HYDIN: variants seen among roughly 807,000 people sequenced by gnomAD.
HYDIN encodes HYDIN axonemal central pair apparatus protein, also known as axonemal central pair apparatus protein HYDIN.
A neutral mutation model predicts 403.9 loss-of-function variants in HYDIN; 132 were observed. That is an observed-to-expected ratio of 0.33 (90% CI 0.28 to 0.38). The LOEUF (loss-of-function observed/expected upper bound fraction) is 0.38, where lower values mean the gene tolerates loss of function less well. HYDIN is among the 10% of genes least tolerant of loss of function. The pLI, the probability that HYDIN is intolerant of heterozygous loss-of-function variation, is 1.00. For synonymous variants in HYDIN, 1,202 were observed against 1,891.7 expected (o/e 0.64, Z 9.46); for missense variants, 2,827 against 5,009.5 (o/e 0.56, Z 13.15).
At chr16:70,939,563 C>A (rs1285867236) in intron 43 of HYDIN, among the ~76,000 whole-genome samples, 3 of 152,210 alleles carry the variant, frequency 2.0e-5, no homozygotes, top group Non-Finnish European at 2.9e-5. Context: ...GGGGAAGGCA[C>A]TTTACATGAT....
intron 39 of HYDIN, among the ~76,000 whole-genome samples, chr16:70,956,857 G>A (rs1036541924): frequency 6.6e-5 from 10 of 151,520 alleles, no homozygotes; most frequent in East Asian, 3.9e-4. Flanking sequence ...TAGTAGCAAC[G>A]GGGCACTAAT....
At chr16:70,960,028 C>A (rs1451115010) in intron 38 of HYDIN, among the ~76,000 whole-genome samples, 1 of 152,186 alleles carries the variant, frequency 6.6e-6, no homozygotes, top group Non-Finnish European at 1.5e-5. Context: ...AATAAAAAAA[C>A]AGATTTTTTG....
At position 70,985,166 on chromosome 16, in the gene HYDIN, C is replaced by T. The variant is rs1348244787; in HGVS notation, c.4332+19G>A. 1.2e-6 allele frequency: 2 copies of T among 1,611,240 alleles called. No individual in the cohort carries two copies. The highest frequency in any genetic ancestry group is 1.7e-6 in the Non-Finnish European group (2 of 1,178,330). On this transcript the variant is annotated intron_variant, in intron 28 of 85. Transcript: ENST00000393567. ...GGGCTCGTAGGTTTGAATTCGGGCCCCTCCCACCATTTACTTACAGACACA... is the reference window on the plus strand; with the variant it reads ...GGGCTCGTAGGTTTGAATTCGGGCCTCTCCCACCATTTACTTACAGACACA...
intron 23 of HYDIN, among the ~76,000 whole-genome samples, chr16:71,002,757 A>C (rs59369647): frequency 6.7e-6 from 1 of 149,660 alleles, no homozygotes; most frequent in Non-Finnish European, 1.5e-5. Context: ...GGCTCACTGC[A>C]ACCTTTGCCT....
rs761595507 is a variant in HYDIN at position 70,818,338 on chromosome 16, G to GT, written c.14658+3dup. ...GGGAGCCCCCGACAGCCAAGGGGCC[G>GT]TACCTCGGAGTTGGCAGGCACCACA... On this transcript the variant is annotated splice_donor_region_variant and intron_variant, in intron 84 of 85. Transcript: ENST00000393567. 1.2e-6 allele frequency: 2 copies of GT among 1,609,534 alleles called. No individual in the cohort carries two copies. The highest frequency in any genetic ancestry group is 1.7e-6 in the Non-Finnish European group (2 of 1,177,370).
chr16:71,100,267 T>C (rs2083416757), intron 10 of HYDIN, among the ~76,000 whole-genome samples: 1 of 152,216 alleles, frequency 6.6e-6, no homozygotes, highest in Non-Finnish European at 1.5e-5. Context: ...AGAACTAGAC[T>C]ATATTCTTGA....
At chr16:71,039,392 G>A (rs1480557841) in intron 18 of HYDIN, among the ~76,000 whole-genome samples, 1 of 152,154 alleles carries the variant, frequency 6.6e-6, no homozygotes. Flanking sequence ...AGGGACGGGG[G>A]GCAGAGGAAT....
chr16:71,137,220 C>G lies in HYDIN; in HGVS notation c.974G>C (p.Ser325Thr). The part of the protein sequence containing the change: ...NQRTITIHNR[S>T]NIIAHFLWKV... ...CCACAGGAAATGGGCAATGATATTA[C>G]TGCGATTGTGAATGGTTATAGTTCG... Residue 325 changes from serine (S) to threonine (T), a missense_variant, in exon 8 of 86, where the codon AGT (serine) becomes ACT (threonine). By Grantham distance (58) the Ser-to-Thr change is moderately conservative. Coordinates refer to ENST00000393567, the MANE Select transcript of HYDIN (RefSeq NM_001270974.2). 1.3e-6 allele frequency: 1 copy of G among 757,580 alleles called. No homozygotes were observed. The highest frequency in any genetic ancestry group is 2.2e-6 in the Non-Finnish European group (1 of 453,466). 46.9% of individuals were successfully genotyped at this position (757,580 alleles called of 1,614,324 possible).
At chr16:70,944,581 G>C (rs1163882360) in intron 41 of HYDIN, among the ~76,000 whole-genome samples, 3 of 152,156 alleles carry the variant, frequency 2.0e-5, no homozygotes, top group African/African-American at 7.2e-5. Flanking sequence ...AGTGGGGCTG[G>C]AACTGAGTGA....
In HYDIN at chr16:70,807,662, T is replaced by G; in HGVS notation, c.15284A>C (p.Lys5095Thr). 2 of 1,614,140 alleles carry G rather than the reference T, an allele frequency of 1.2e-6. No homozygotes were observed. Among genetic ancestry groups the G allele is most frequent in the Non-Finnish European group, 1.7e-6 (2 of 1,180,010 alleles). ...ACCAGGAGGGCAGCTCACAGTCAGC[T>G]TGGTGGTGATGGGGGTTTTGCTGCC... is the stretch of plus-strand genomic sequence containing the variant. ...PSGSKTPITT[K>T]LTVSCPPGEG... Residue 5095 changes from lysine (K) to threonine (T), a missense_variant, in exon 86 of 86, where the codon AAG becomes ACG. Lys to Thr is a moderately conservative substitution (Grantham distance 78, BLOSUM62 -1). Transcript: ENST00000393567.
chr16:71,108,060 T>C (rs113114058), intron 10 of HYDIN, among the ~76,000 whole-genome samples: 75 of 152,044 alleles, frequency 4.9e-4, no homozygotes, highest in Admixed American at 1.7e-3. Flanking sequence ...AGCAAACTAA[T>C]GCAGAAACAG....
At chr16:71,101,745 A>G (rs2083461608) in intron 10 of HYDIN, among the ~76,000 whole-genome samples, 1 of 152,182 alleles carries the variant, frequency 6.6e-6, no homozygotes, top group African/African-American at 2.4e-5. Context: ...TCCTGCAGGT[A>G]GGAAAGTAGA....
intron 8 of HYDIN, among the ~76,000 whole-genome samples, chr16:71,134,351 T>C (rs1223957934): frequency 6.6e-5 from 10 of 152,022 alleles, no homozygotes; most frequent in Non-Finnish European, 1.5e-5. Flanking sequence ...AGAAGTTAAA[T>C]CTTTTAACTA....
chr16:70,850,137 A>G (rs1177246261), intron 74 of HYDIN, among the ~76,000 whole-genome samples, 190 bp from the exon 75 acceptor site: 1 of 152,108 alleles, frequency 6.6e-6, no homozygotes, highest in Non-Finnish European at 1.5e-5. Flanking sequence ...GGTTCTTTCA[A>G]TATCTCATGG....
chr16:71,065,846 A>G (rs1357929295), intron 15 of HYDIN, among the ~76,000 whole-genome samples: 3 of 152,246 alleles, frequency 2.0e-5, no homozygotes, highest in Non-Finnish European at 4.4e-5. Flanking sequence ...TTGAGGCTAC[A>G]GTTCTAAAAG....
rs147253706 is a variant in HYDIN at position 70,897,379 on chromosome 16, G to A, written c.9049-1299C>T. ...ATTGCATGTGCTTTGGGTGCCAGAAGGAAATTTGCAGCTGTCACCAAACTC... is the reference window on the plus strand; with the variant it reads ...ATTGCATGTGCTTTGGGTGCCAGAAAGAAATTTGCAGCTGTCACCAAACTC... On this transcript the variant is annotated intron_variant, in intron 53 of 85. Coordinates refer to ENST00000393567, the MANE Select transcript of HYDIN (RefSeq NM_001270974.2). Among the ~76,000 whole-genome samples, 44 of 152,258 alleles carry A rather than the reference G, an allele frequency of 2.9e-4. No individual in the cohort carries two copies. The East Asian group carries it at 7.9e-3, about 27-fold the overall frequency.
At chr16:70,890,171 G>A (rs2041386767) in intron 57 of HYDIN, among the ~76,000 whole-genome samples, 2 of 152,176 alleles carry the variant, frequency 1.3e-5, no homozygotes, top group African/African-American at 4.8e-5. Context: ...TTGTTCACTT[G>A]CCTTGAAACT....
intron 53 of HYDIN, among the ~76,000 whole-genome samples, chr16:70,899,062 T>G (rs2076287236): frequency 1.3e-5 from 2 of 150,892 alleles, no homozygotes; most frequent in African/African-American, 4.8e-5. Flanking sequence ...TTAGCCACCA[T>G]GCCCGGCCTA....
In HYDIN at chr16:70,818,448, G is replaced by C. The variant is rs750021099; in HGVS notation, c.14552C>G (p.Ser4851Cys). 2 of 1,607,066 alleles carry C rather than the reference G, an allele frequency of 1.2e-6. No individual in the cohort carries two copies. Among genetic ancestry groups the C allele is most frequent in the Admixed American group, 1.7e-5 (1 of 59,346 alleles). ...GGGCAGAGGGTTCTCCAACTTGATG[G>C]AGGCTGACGCAACTTGCCGGACTGG... ...VTPVRQVASA[S>C]IKLENPLPYS... The change falls in exon 84 of 86, where the codon TCC (serine) becomes TGC (cysteine). Residue 4851 changes from serine to cysteine, a missense_variant. Transcript: ENST00000393567.
Sources: gnomAD v4.1 joint callset for allele counts (sites outside exome capture counted in the v4.1 genomes callset) on GRCh38, gnomAD v4.1.1 for gene constraint, MANE v1.5 for transcripts, NCBI Gene and HGNC (gene_info 2026-07-23, HGNC 2026-07-21) for gene names.